The following SLC39A11 variants were observed in gnomAD, a reference collection of about 807,000 sequenced individuals.
The protein encoded by SLC39A11 is zinc transporter ZIP11.
Under a neutral mutation model 36.1 loss-of-function variants are expected in SLC39A11, and 33 were observed. That is an observed-to-expected ratio of 0.91 (90% CI 0.69 to 1.22). The LOEUF is 1.22. Ranked by LOEUF, SLC39A11 falls within the 50% of genes most tolerant of loss-of-function variation. The pLI, the probability that SLC39A11 is intolerant of heterozygous loss-of-function variation, is 0.00. For synonymous variants in SLC39A11, 166 were observed against 170.3 expected, an observed-to-expected ratio of 0.97 and a Z score of 0.20; for missense variants, 432 against 430.3, an observed-to-expected ratio of 1.00 and a Z score of -0.03.
At chr17:72,861,776 A>C (rs1365981626) in intron 5 of SLC39A11, among the ~76,000 whole-genome samples, 1 of 96,574 alleles carries the variant, frequency 1.0e-5, no homozygotes, top group Non-Finnish European at 2.0e-5. Flanking sequence ...ATATATATAT[A>C]TATATATCCA....
chr17:72,808,764 G>T lies in SLC39A11; in HGVS notation c.601+40870C>A, dbSNP rs1366031918. 2.0e-5 allele frequency among the ~76,000 whole-genome samples: 3 copies of T among 152,024 alleles called. No homozygotes were observed. In the South Asian group the frequency reaches 6.2e-4, roughly 32 times the overall value. On this transcript the variant is annotated intron_variant, in intron 6 of 9. Transcript: ENST00000255559. ...CCTGACTGACCCCACCTGGATCTGT[G>T]ATTCCTAAGCAATCCTGTCCTGTGG...
rs550431573 is a variant in SLC39A11, at chr17:73,023,724, C to T, written c.306+7832G>A. On this transcript the variant is annotated intron_variant, in intron 4 of 9. Transcript: ENST00000255559. ...CAGGCTGGTCTCGATCTCCTGACTG[C>T]GTGATCCGCCCACCTTGGCCTCCCA... Among the ~76,000 whole-genome samples the T allele has an allele frequency of 7.2e-5, 11 of 152,288 alleles. No homozygotes were observed. The East Asian group carries it at 1.5e-3, about 21-fold the overall frequency.
At chr17:72,844,798 G>T (rs566501487) in intron 6 of SLC39A11, among the ~76,000 whole-genome samples, 1 of 152,292 alleles carries the variant, frequency 6.6e-6, no homozygotes, top group South Asian at 2.1e-4. Flanking sequence ...CCATTTGAAT[G>T]TCTAATGGCA....
chr17:72,943,867 C>T (rs1357549606), intron 5 of SLC39A11, among the ~76,000 whole-genome samples: 1 of 152,184 alleles, frequency 6.6e-6, no homozygotes, highest in Non-Finnish European at 1.5e-5. Flanking sequence ...TTTCAGTTGC[C>T]ATGGACCCTC....
chr17:72,813,519 T>C (rs1211527610), intron 6 of SLC39A11, among the ~76,000 whole-genome samples: 1 of 152,222 alleles, frequency 6.6e-6, no homozygotes, highest in African/African-American at 2.4e-5. Flanking sequence ...TAAGGGCAAA[T>C]ACATTCATGG....
chr17:72,769,896 T>C (rs1460247593), intron 6 of SLC39A11, among the ~76,000 whole-genome samples: 2 of 152,168 alleles, frequency 1.3e-5, no homozygotes, highest in Admixed American at 6.5e-5. Flanking sequence ...AATGCAACTG[T>C]TTGTATCTCA....
intron 4 of SLC39A11, among the ~76,000 whole-genome samples, chr17:72,957,910 A>T (rs1568021081): frequency 6.6e-6 from 1 of 152,016 alleles, no homozygotes; most frequent in Non-Finnish European, 1.5e-5. Context: ...GAATCGCTTG[A>T]ACCTAGAGGG....
At chr17:73,067,815 T>G (rs2060041106) in intron 3 of SLC39A11, 1 of 1,477,060 alleles carries the variant, frequency 6.8e-7, no homozygotes, top group Admixed American at 1.7e-5. Context: ...TTTTCAGAGC[T>G]GTCTCTTCTG....
intron 5 of SLC39A11, among the ~76,000 whole-genome samples, chr17:72,918,525 C>T (rs544939602): frequency 6.6e-6 from 1 of 152,200 alleles, no homozygotes. Context: ...AGAGCCCTGG[C>T]GCAAGACAGT....
chr17:72,882,834 G>C (rs201983716), intron 5 of SLC39A11, among the ~76,000 whole-genome samples: 1 of 96,882 alleles, frequency 1.0e-5, no homozygotes, highest in East Asian at 3.9e-4. Context: ...TCTCACTCTA[G>C]CTTCCAGGTT....
chr17:73,073,489 T>G (rs2060226474), intron 3 of SLC39A11, among the ~76,000 whole-genome samples: 1 of 152,120 alleles, frequency 6.6e-6, no homozygotes, highest in Non-Finnish European at 1.5e-5. Context: ...CTGTCTCACC[T>G]CTTTGTTGAG....
At chr17:72,702,246 C>T (rs1303847535) in intron 7 of SLC39A11, among the ~76,000 whole-genome samples, 1 of 152,164 alleles carries the variant, frequency 6.6e-6, no homozygotes, top group East Asian at 1.9e-4. Flanking sequence ...AGATAGGAGG[C>T]TACTGTTTTT....
At chr17:72,874,500 C>G (rs1429702664) in intron 5 of SLC39A11, among the ~76,000 whole-genome samples, 1 of 152,128 alleles carries the variant, frequency 6.6e-6, no homozygotes, top group African/African-American at 2.4e-5. Flanking sequence ...AAGCTGACAC[C>G]AGGAGGGAGG....
intron 3 of SLC39A11, among the ~76,000 whole-genome samples, chr17:73,049,533 T>A (rs1255002275): frequency 6.6e-6 from 1 of 152,338 alleles, no homozygotes; most frequent in East Asian, 1.9e-4. Context: ...TCAAGAACCC[T>A]GTGCCAAGAT....
At chr17:72,707,239 A>G (rs2072928787) in intron 7 of SLC39A11, among the ~76,000 whole-genome samples, 1 of 152,050 alleles carries the variant, frequency 6.6e-6, no homozygotes, top group Admixed American at 6.6e-5. Flanking sequence ...CATTGCTACA[A>G]AAAATGTTTC....
At chr17:72,663,219 A>C (rs893627811) in intron 7 of SLC39A11, among the ~76,000 whole-genome samples, 7 of 152,240 alleles carry the variant, frequency 4.6e-5, no homozygotes, top group African/African-American at 1.7e-4. Flanking sequence ...ACATATTTGA[A>C]ATTTTACAAA....
At chr17:72,809,108 G>A (rs2077353406) in intron 6 of SLC39A11, among the ~76,000 whole-genome samples, 1 of 152,144 alleles carries the variant, frequency 6.6e-6, no homozygotes, top group Non-Finnish European at 1.5e-5. Flanking sequence ...TCCTGCAGCA[G>A]AGTCCAGCAG....
intron 7 of SLC39A11, among the ~76,000 whole-genome samples, chr17:72,662,658 AAAG>A (rs1161327126): frequency 2.0e-5 from 3 of 151,082 alleles, no homozygotes; most frequent in African/African-American, 7.3e-5. Flanking sequence ...AGAAAAAAGA[AAAG>A]AAAAAGGAAG....
chr17:72,706,076 G>A (rs192079149), intron 7 of SLC39A11, among the ~76,000 whole-genome samples: 207 of 152,328 alleles, frequency 1.4e-3, no homozygotes, highest in Non-Finnish European at 2.6e-3. Context: ...GCCAGATGGA[G>A]CCTCAGGTGT....
Sources: gnomAD v4.1 joint callset for allele counts (sites outside exome capture counted in the v4.1 genomes callset) on GRCh38, gnomAD v4.1.1 for gene constraint, MANE v1.5 for transcripts, NCBI Gene and HGNC (gene_info 2026-07-23, HGNC 2026-07-21) for gene names.